The following ANO1 variants were observed in gnomAD, a reference collection of about 807,000 sequenced individuals.
The protein encoded by ANO1 is anoctamin 1.
ANO1 carries 59 observed loss-of-function variants against 124.0 expected under a neutral mutation model. That is an observed-to-expected ratio of 0.48 (90% CI 0.39 to 0.59). The LOEUF (loss-of-function observed/expected upper bound fraction) is 0.59, where lower values mean the gene tolerates loss of function less well. Among genes scored for constraint, ANO1 ranks in the 20% least tolerant of loss-of-function variants. The probability of loss-of-function intolerance (pLI) is 0.00; values close to 1 mark genes in which losing one functional copy is unlikely to be tolerated. For synonymous variants in ANO1, 529 were observed against 532.0 expected (o/e 0.99, Z 0.08); for missense variants, 1,059 against 1,328.0 (o/e 0.80, Z 3.15).
chr11:70,087,645 G>T, intron 1 of ANO1, 107 bp from the exon 2 acceptor site: 1 of 1,145,072 alleles, frequency 8.7e-7, no homozygotes, highest in South Asian at 1.8e-5. Flanking sequence ...GGGAGTGTTT[G>T]TTGAACGAGT....
chr11:70,061,776 T>C (rs556475153), intron 1 of ANO1, among the ~76,000 whole-genome samples: 18 of 152,262 alleles, frequency 1.2e-4, no homozygotes, highest in African/African-American at 3.9e-4. Context: ...CTTAGATGGT[T>C]GTACACATAA....
chr11:70,029,321 T>C (rs1385902789), intron 1 of ANO1, among the ~76,000 whole-genome samples: 1 of 152,098 alleles, frequency 6.6e-6, no homozygotes, highest in Non-Finnish European at 1.5e-5. Context: ...GCCTCCCCCA[T>C]GAGCTGGGCC....
chr11:70,075,813 G>A (rs2044049825), upstream of ANO1, among the ~76,000 whole-genome samples: 1 of 152,192 alleles, frequency 6.6e-6, no homozygotes, highest in Non-Finnish European at 1.5e-5. Flanking sequence ...ACACAGGCGG[G>A]GACAGGGAAC....
chr11:70,130,846 G>T (rs1168076310), intron 10 of ANO1, among the ~76,000 whole-genome samples: 1 of 152,164 alleles, frequency 6.6e-6, no homozygotes, highest in Non-Finnish European at 1.5e-5. Context: ...ATTCCTTCCG[G>T]CCCAGCCCCC....
rs114457127 is a variant in ANO1 at position 70,018,843 on chromosome 11, A to G, written c.58+32677A>G. On this transcript the variant is annotated intron_variant, in intron 1 of 27. Transcript: ENST00000531349. The stretch of plus-strand genomic sequence containing the variant: ...TTATGCATCTGTTCATCTGGTGGGA[A>G]TATTTACTGAGGACCTGCTAAGTGC... Among the ~76,000 whole-genome samples the G allele has an allele frequency of 3.6e-3, 542 of 152,302 alleles. 4 individuals are homozygous for G. The highest frequency in any genetic ancestry group is 0.012 in the African/African-American group (505 of 41,566).
intron 1 of ANO1, among the ~76,000 whole-genome samples, chr11:69,990,007 T>G (rs1554997265): frequency 6.6e-6 from 1 of 152,192 alleles, no homozygotes; most frequent in African/African-American, 2.4e-5. Flanking sequence ...CCATAACATT[T>G]TAATCATTTT....
At chr11:70,164,596 G>A (rs563627972) in intron 19 of ANO1, among the ~76,000 whole-genome samples, 2 of 152,348 alleles carry the variant, frequency 1.3e-5, no homozygotes, top group Admixed American at 1.3e-4. Context: ...TGCAGAACAA[G>A]TTTACTGTGC....
intron 16 of ANO1, among the ~76,000 whole-genome samples, chr11:70,158,586 C>T (rs1203597837): frequency 6.6e-6 from 1 of 152,188 alleles, no homozygotes; most frequent in Non-Finnish European, 1.5e-5. Flanking sequence ...TGGTGCCAGT[C>T]AGGCTGTCTG....
chr11:69,983,611 G>A (rs72931768), upstream of ANO1, among the ~76,000 whole-genome samples: 33 of 152,100 alleles, frequency 2.2e-4, no homozygotes, highest in Non-Finnish European at 1.9e-4. Context: ...CCTCTCCTGC[G>A]GGCCACATGG....
intron 2 of ANO1, among the ~76,000 whole-genome samples, chr11:70,091,722 G>T (rs1029290425): frequency 6.6e-6 from 1 of 152,194 alleles, no homozygotes; most frequent in Non-Finnish European, 1.5e-5. Flanking sequence ...GTGTGACCTG[G>T]CCTTTGTTCC....
intron 1 of ANO1, among the ~76,000 whole-genome samples, chr11:70,008,800 C>T (rs2131244): frequency 0.49 from 75,015 of 152,012 alleles, 19,657 homozygotes; most frequent in East Asian, 0.89. Flanking sequence ...ATTGTGCCAT[C>T]CAGAATGCTG....
the ANO1 span, among the ~76,000 whole-genome samples, chr11:69,975,802 G>A: frequency 6.6e-6 from 1 of 152,212 alleles, no homozygotes; most frequent in Non-Finnish European, 1.5e-5. Flanking sequence ...ACATTTTAGC[G>A]CAGCTGGTCC....
chr11:70,085,526 C>T (rs1312722770), intron 1 of ANO1: 1 of 1,536,086 alleles, frequency 6.5e-7, no homozygotes, highest in Non-Finnish European at 8.7e-7. Context: ...CAGATGCTGA[C>T]CAGGCCCTCC....
intron 22 of ANO1, among the ~76,000 whole-genome samples, chr11:70,173,939 ATTT>A (rs367804030): frequency 7.0e-6 from 1 of 143,578 alleles, no homozygotes. Context: ...GGCAGTTTTA[ATTT>A]TTTTTTTTTT....
chr11:69,973,601 C>T, the ANO1 span, among the ~76,000 whole-genome samples: 2 of 151,996 alleles, frequency 1.3e-5, no homozygotes, highest in Non-Finnish European at 2.9e-5. Context: ...TAGCCGGGCG[C>T]GGTGGCTCAT....
chr11:70,036,247 C>T (rs1282784214), intron 1 of ANO1, among the ~76,000 whole-genome samples: 2 of 152,176 alleles, frequency 1.3e-5, no homozygotes, highest in Non-Finnish European at 2.9e-5. Context: ...GGCTAAGGCA[C>T]ATCACCCCAA....
At chr11:70,076,316 G>C (rs1427830205), upstream of ANO1, among the ~76,000 whole-genome samples, 5 of 152,192 alleles carry the variant, frequency 3.3e-5, no homozygotes, top group East Asian at 9.6e-4. Context: ...CCTTGCCTAG[G>C]AGATGGCCCC....
At chr11:70,152,492 C>T (rs375200483) in intron 13 of ANO1, 31 bp downstream of exon 13, 242 of 1,609,016 alleles carry the variant, frequency 1.5e-4, no homozygotes, top group Non-Finnish European at 1.9e-4. Context: ...CCTCTATCTT[C>T]CCACAGCCTA....
At chr11:70,139,225 C>T (rs1387461412) in intron 11 of ANO1, among the ~76,000 whole-genome samples, 2 of 152,174 alleles carry the variant, frequency 1.3e-5, no homozygotes, top group Admixed American at 6.6e-5. Flanking sequence ...GGCACAATCT[C>T]GGCTCACTGC....
Sources: gnomAD v4.1 joint callset for allele counts (sites outside exome capture counted in the v4.1 genomes callset) on GRCh38, gnomAD v4.1.1 for gene constraint, MANE v1.5 for transcripts, NCBI Gene and HGNC (gene_info 2026-07-23, HGNC 2026-07-21) for gene names.